The following UTRN variants were observed in gnomAD, a reference collection of about 807,000 sequenced individuals.
The protein encoded by UTRN is utrophin.
Under a neutral mutation model 463.9 loss-of-function variants are expected in UTRN, and 283 were observed. The observed-to-expected ratio is 0.61, with a 90% CI of 0.55 to 0.67. The LOEUF (loss-of-function observed/expected upper bound fraction) is 0.67. Among genes scored for constraint, UTRN ranks in the 30% least tolerant of loss-of-function variants. UTRN has a pLI of 0.00. For missense variants in UTRN, 3,922 were observed against 4,084.3 expected, an observed-to-expected ratio of 0.96 and a Z score of 1.08; for synonymous variants, 1,442 against 1,431.5, an observed-to-expected ratio of 1.01 and a Z score of -0.17.
At chr6:144,730,008 A>G (rs1788345667) in intron 53 of UTRN, among the ~76,000 whole-genome samples, 1 of 152,256 alleles carries the variant, frequency 6.6e-6, no homozygotes, top group Admixed American at 6.5e-5. Context: ...TCTTACAAGA[A>G]AAAAGTATCT....
chr6:144,619,929 A>G (rs924411156), intron 51 of UTRN, among the ~76,000 whole-genome samples: 1 of 152,206 alleles, frequency 6.6e-6, no homozygotes, highest in East Asian at 1.9e-4. Context: ...TCCTTCTGTA[A>G]TAGGAAAGGT....
chr6:144,788,094 A>G (rs1329769383), intron 61 of UTRN, among the ~76,000 whole-genome samples: 1 of 152,152 alleles, frequency 6.6e-6, no homozygotes. Context: ...TTAAAGATAA[A>G]AAAACATGTT....
chr6:144,850,787 C>T (rs1242661613), intron 74 of UTRN, among the ~76,000 whole-genome samples: 1 of 152,182 alleles, frequency 6.6e-6, no homozygotes, highest in Non-Finnish European at 1.5e-5. Flanking sequence ...TTTCAGACTT[C>T]CCTCTAAATC....
intron 3 of UTRN, among the ~76,000 whole-genome samples, chr6:144,420,956 G>T (rs1019905113): frequency 6.6e-6 from 1 of 152,114 alleles, no homozygotes; most frequent in Non-Finnish European, 1.5e-5. Context: ...GTCGTTTATT[G>T]TTCTTTCTTC....
rs368759130 is a variant in UTRN, at chr6:144,483,181, T to A, written c.3687+793T>A. On this transcript the variant is annotated intron_variant, in intron 27 of 74. Transcript: ENST00000367545. ...TTTGATCATTCATTCATTTGTAAAT[T>A]CATTCGTTTCTTGTTCTAAACCAAT... 1.2e-4 allele frequency among the ~76,000 whole-genome samples: 18 copies of A among 152,360 alleles called. No individual in the cohort carries two copies. The South Asian group carries it at 3.5e-3, about 30-fold the overall frequency.
At chr6:144,302,866 G>C (rs1444853846) in intron 2 of UTRN, among the ~76,000 whole-genome samples, 2 of 152,214 alleles carry the variant, frequency 1.3e-5, no homozygotes, top group African/African-American at 4.8e-5. Flanking sequence ...TGCAGATGAT[G>C]AGAAAAGAGC....
chr6:144,452,945 GA>G (rs1175934612), intron 18 of UTRN, among the ~76,000 whole-genome samples: 2,282 of 69,794 alleles, frequency 0.033, 21 homozygotes, highest in Middle Eastern at 0.065. Context: ...CTGCCTCAAA[GA>G]AAAAAAAAAA....
chr6:144,629,925 C>T (rs1776333856), intron 51 of UTRN, among the ~76,000 whole-genome samples: 1 of 152,164 alleles, frequency 6.6e-6, no homozygotes, highest in Admixed American at 6.5e-5. Flanking sequence ...GTGGCTCACG[C>T]CTGTAATCCC....
chr6:144,633,227 CT>C (rs34812473), intron 51 of UTRN, among the ~76,000 whole-genome samples: 85 of 131,688 alleles, frequency 6.5e-4, no homozygotes, highest in Non-Finnish European at 7.9e-4. Context: ...ACTACTTCTC[CT>C]TTTTTTTTTT....
At chr6:144,704,926 C>T (rs555342907) in intron 53 of UTRN, among the ~76,000 whole-genome samples, 8 of 152,256 alleles carry the variant, frequency 5.3e-5, no homozygotes, top group Admixed American at 1.3e-4. Context: ...CACGCCACTG[C>T]ACTCCAGCCT....
intron 48 of UTRN, 109 bp downstream of exon 48, chr6:144,551,191 C>A (rs1798883457): frequency 4.4e-6 from 3 of 679,112 alleles, no homozygotes; most frequent in South Asian, 2.5e-5. Context: ...AAAGATTATT[C>A]AACTAGAAAG....
chr6:144,368,825 C>T (rs1390217455), intron 2 of UTRN, among the ~76,000 whole-genome samples: 1 of 151,964 alleles, frequency 6.6e-6, no homozygotes, highest in Non-Finnish European at 1.5e-5. Flanking sequence ...AGTTAGGGTC[C>T]GTTTAGTGGC....
chr6:144,827,747 A>G (rs758898279), intron 68 of UTRN, 71 bp downstream of exon 68: 2 of 1,484,298 alleles, frequency 1.3e-6, no homozygotes, highest in South Asian at 2.4e-5. Context: ...TTAATCTAAT[A>G]TCATTAATAT....
At chr6:144,824,614 C>CTCTCTTT (rs1315487327) in intron 66 of UTRN, among the ~76,000 whole-genome samples, 317 of 30,866 alleles carry the variant, frequency 0.01, 14 homozygotes, top group African/African-American at 0.032. Flanking sequence ...ATATATATAT[C>CTCTCTTT]TTTTTTTTTT....
intron 60 of UTRN, among the ~76,000 whole-genome samples, chr6:144,779,009 A>G (rs1025288081): frequency 6.6e-6 from 1 of 152,214 alleles, no homozygotes; most frequent in Non-Finnish European, 1.5e-5. Flanking sequence ...ATCACTAAAA[A>G]TTGAAGACAT....
At chr6:144,664,909 C>G (rs1780235269) in intron 51 of UTRN, among the ~76,000 whole-genome samples, 1 of 151,798 alleles carries the variant, frequency 6.6e-6, no homozygotes, top group Non-Finnish European at 1.5e-5. Context: ...CATGATTCCT[C>G]ATTTTCAAAA....
At chr6:144,453,616 T>C (rs1309167515) in intron 18 of UTRN, among the ~76,000 whole-genome samples, 166 bp from the exon 19 acceptor site, 1 of 152,230 alleles carries the variant, frequency 6.6e-6, no homozygotes, top group Non-Finnish European at 1.5e-5. Flanking sequence ...ACATTTTTTT[T>C]CTTACAAAAG....
chr6:144,461,539 A>G (rs1359130308), intron 22 of UTRN, among the ~76,000 whole-genome samples, 197 bp downstream of exon 22: 1 of 152,214 alleles, frequency 6.6e-6, no homozygotes, highest in African/African-American at 2.4e-5. Context: ...TTTTTCATAG[A>G]AGAAAAGCAT....
intron 54 of UTRN, among the ~76,000 whole-genome samples, chr6:144,734,488 G>A (rs1278595881): frequency 6.6e-6 from 1 of 152,118 alleles, no homozygotes; most frequent in Non-Finnish European, 1.5e-5. Context: ...CCGTCACCCT[G>A]AGTCCATTCT....
Sources: allele counts gnomAD v4.1 joint callset (sites outside exome capture counted in the v4.1 genomes callset), GRCh38; gene constraint gnomAD v4.1.1; transcripts MANE v1.5; gene names NCBI Gene and HGNC (gene_info 2026-07-23, HGNC 2026-07-21).